ATG2B: variants seen among roughly 807,000 people sequenced by gnomAD.
ATG2B encodes autophagy related 2B, also known as autophagy-related protein 2 homolog B.
In ATG2B, 121 loss-of-function variants were observed where a neutral mutation model predicts 241.3. The observed-to-expected ratio is 0.50, with a 90% CI of 0.43 to 0.58. The LOEUF is 0.58. ATG2B is among the 20% of genes least tolerant of loss of function. ATG2B has a pLI of 0.00. For synonymous variants in ATG2B, 858 were observed against 876.6 expected (o/e 0.98, Z 0.37); for missense variants, 2,306 against 2,491.6 (o/e 0.93, Z 1.59).
intron 1 of ATG2B, among the ~76,000 whole-genome samples, chr14:96,359,274 G>T (rs1888561623): frequency 6.6e-6 from 1 of 151,976 alleles, no homozygotes; most frequent in Non-Finnish European, 1.5e-5. Context: ...GCAGGGAGGG[G>T]AGGAGAGGTA....
intron 28 of ATG2B, 143 bp from the exon 29 acceptor site, chr14:96,309,737 T>A: frequency 1.3e-6 from 1 of 783,318 alleles, no homozygotes; most frequent in Non-Finnish European, 1.9e-6. Context: ...GCCCAGCAGC[T>A]GTTATATTTC....
intron 14 of ATG2B, 114 bp from the exon 15 acceptor site, chr14:96,326,036 ATTAAAAG>A: frequency 2.0e-6 from 2 of 1,009,250 alleles, no homozygotes. Context: ...GGTATAATGC[ATTAAAAG>A]TCAATTCAAA....
chr14:96,343,556 CCATAAATATTTT>C (rs1209191670), intron 4 of ATG2B, among the ~76,000 whole-genome samples: 2 of 151,978 alleles, frequency 1.3e-5, no homozygotes, highest in African/African-American at 4.8e-5. Context: ...TGCTTTACTA[CCATAAATATTTT>C]CATGAAGAGG....
intron 32 of ATG2B, 24 bp downstream of exon 32, chr14:96,304,471 T>C (rs368920098): frequency 3.2e-6 from 5 of 1,583,334 alleles, no homozygotes; most frequent in Non-Finnish European, 4.3e-6. Flanking sequence ...CTTAAGTGGA[T>C]TTTTCCTTCA....
chr14:96,294,640 T>C (rs1376124722), intron 36 of ATG2B, among the ~76,000 whole-genome samples: 3 of 152,086 alleles, frequency 2.0e-5, no homozygotes. Flanking sequence ...AAAAGGATGA[T>C]ATCCTGCTGG....
chr14:96,321,742 T>A (rs1417966652), intron 18 of ATG2B, among the ~76,000 whole-genome samples: 1 of 152,202 alleles, frequency 6.6e-6, no homozygotes, highest in African/African-American at 2.4e-5. Context: ...ATGCTTCTTG[T>A]ACAATGAATG....
At chr14:96,312,608 G>A (rs1815616261) in intron 25 of ATG2B, among the ~76,000 whole-genome samples, 1 of 151,948 alleles carries the variant, frequency 6.6e-6, no homozygotes, top group Non-Finnish European at 1.5e-5. Flanking sequence ...TAATCAGCCA[G>A]GGATAGAGGC....
chr14:96,340,313 A>C (rs904708924), intron 6 of ATG2B, among the ~76,000 whole-genome samples: 1 of 150,936 alleles, frequency 6.6e-6, no homozygotes, highest in Non-Finnish European at 1.5e-5. Context: ...ATCCATCAAC[A>C]GATGAATGGA....
At chr14:96,309,355 T>C (rs1887086667) in intron 29 of ATG2B, 98 bp downstream of exon 29, 2 of 1,421,164 alleles carry the variant, frequency 1.4e-6, no homozygotes, top group South Asian at 1.4e-5. Flanking sequence ...AAAACTCATA[T>C]GCGTCTTTAA....
Position 96,289,495 on chromosome 14 carries a change from C to T in ATG2B, c.6006+161G>A. The T allele has an allele frequency of 1.2e-6, 1 of 818,284 alleles. No homozygotes were observed. Among genetic ancestry groups the T allele is most frequent in the Admixed American group, 2.4e-5 (1 of 40,986 alleles). 50.7% of individuals were successfully genotyped at this position (818,284 alleles called of 1,614,324 possible). ...CTATTGGTCCCAGACTGGCCCTTTT[C>T]CATCACCTCACACAGATATGGGCAC... On this transcript the variant is annotated intron_variant, in intron 41 of 41. Coordinates refer to ENST00000359933, the MANE Select transcript of ATG2B (RefSeq NM_018036.7). This position sits in a 1 kb window ranked among gnomAD's most constrained non-coding sequence, Gnocchi z 4.3.
chr14:96,291,069 G>A, intron 38 of ATG2B, 134 bp from the exon 39 acceptor site: 1 of 706,832 alleles, frequency 1.4e-6, no homozygotes, highest in Non-Finnish European at 2.2e-6. Flanking sequence ...TCAAAAACAG[G>A]TAACATTTTT....
chr14:96,322,755 T>A lies in ATG2B; in HGVS notation c.2541-20A>T. ...ACAATTCTGATAGCAAAGACAATTT[T>A]AAAAAGACCAAGATCTAAGTGTAAA... On this transcript the variant is annotated intron_variant, in intron 16 of 41. Coordinates refer to ENST00000359933, the MANE Select transcript of ATG2B (RefSeq NM_018036.7). 6.2e-7 allele frequency: 1 copy of A among 1,602,582 alleles called. No homozygotes were observed.
At chr14:96,286,268 G>A (rs10141587) in intron 41 of ATG2B, among the ~76,000 whole-genome samples, 5,453 of 152,196 alleles carry the variant, frequency 0.036, 284 homozygotes, top group East Asian at 0.23. Context: ...ACAGAAATAC[G>A]GGCTTTGCTG....
At chr14:96,314,562 C>T (rs1425110131) in intron 23 of ATG2B, among the ~76,000 whole-genome samples, 1 of 151,552 alleles carries the variant, frequency 6.6e-6, no homozygotes, top group Admixed American at 6.6e-5. Context: ...TCCTGGGATA[C>T]AGAGTCCCTT....
intron 5 of ATG2B, 26 bp downstream of exon 5, chr14:96,343,093 G>A: frequency 6.6e-7 from 1 of 1,514,068 alleles, no homozygotes; most frequent in South Asian, 1.3e-5. Context: ...TATGATTATG[G>A]TTTTAGGGTT....
chr14:96,308,665 C>T (rs991892073), intron 29 of ATG2B, among the ~76,000 whole-genome samples: 6 of 151,844 alleles, frequency 4.0e-5, no homozygotes, highest in African/African-American at 1.2e-4. Context: ...AGTTTGCTTC[C>T]TTAGTTCTAA....
chr14:96,304,962 C>T (rs1420944848), intron 31 of ATG2B, among the ~76,000 whole-genome samples: 1 of 152,158 alleles, frequency 6.6e-6, no homozygotes, highest in Admixed American at 6.5e-5. Flanking sequence ...TCCTAGGAAT[C>T]CCAACTAATA....
chr14:96,285,963 G>A lies in ATG2B; in HGVS notation c.6029C>T (p.Thr2010Ile), dbSNP rs145257288. 31 of 1,613,382 alleles carry A rather than the reference G, an allele frequency of 1.9e-5. No homozygotes were observed. The highest frequency in any genetic ancestry group is 2.5e-5 in the Non-Finnish European group (30 of 1,179,764). Residue 2010 changes from threonine to isoleucine, a missense_variant, in exon 42 of 42, where the codon ACC becomes ATC. Physicochemically the swap from Thr to Ile is moderately conservative, Grantham distance 89. Around this residue, in one of 2 missense-constraint regions of ATG2B, gnomAD observed 379 missense variants for 480.4 expected, o/e 0.79. Transcript: ENST00000359933. This position sits in a 1 kb window ranked among gnomAD's most constrained non-coding sequence, Gnocchi z 4.2. Reference sequence around the variant, plus strand: ...TTCTCGAGCCGCAGTTTCATAAATGGTCTGAGCCGTGTCTGTGATTCCCTG... The same window carrying A: ...TTCTCGAGCCGCAGTTTCATAAATGATCTGAGCCGTGTCTGTGATTCCCTG... Reference protein sequence around the residue: ...VKEGITDTAQTIYETAAREHE... With the variant: ...VKEGITDTAQIIYETAAREHE...
At position 96,283,457 on chromosome 14, in the gene ATG2B, A is replaced by T. The variant is rs958166144; in HGVS notation, c.*2298T>A. 2.0e-5 allele frequency: 3 copies of T among 152,138 alleles called. No individual in the cohort carries two copies. The highest frequency in any genetic ancestry group is 7.2e-5 in the African/African-American group (3 of 41,420). The allele number at this position is 152,138 out of a possible 1,614,324, so 9.4% of individuals were successfully genotyped here. ...GGTCTGAGGCTCTGTACAAAGCATG[A>T]CGCCACATGTGATCATTCTCACACG... On this transcript the variant is annotated 3_prime_UTR_variant, in exon 42 of 42. Coordinates refer to ENST00000359933, the MANE Select transcript of ATG2B (RefSeq NM_018036.7).
Sources: gnomAD v4.1 joint callset for allele counts (sites outside exome capture counted in the v4.1 genomes callset) on GRCh38, gnomAD v4.1.1 for gene constraint, gnomAD v4.1.1 regional missense constraint, Gnocchi (gnomAD v3.1) non-coding constraint, MANE v1.5 for transcripts, NCBI Gene and HGNC (gene_info 2026-07-23, HGNC 2026-07-21) for gene names.